The following CIT variants were observed in gnomAD, a reference collection of about 807,000 sequenced individuals.
CIT encodes the protein citron Rho-interacting kinase.
A neutral mutation model predicts 272.7 loss-of-function variants in CIT; 79 were observed. The observed-to-expected ratio is 0.29, with a 90% CI of 0.24 to 0.35. The LOEUF (loss-of-function observed/expected upper bound fraction) is 0.35, where lower values mean the gene tolerates loss of function less well. Among genes scored for constraint, CIT ranks in the 10% least tolerant of loss-of-function variants. The pLI is 1.00. For missense variants in CIT, 1,909 were observed against 2,618.3 expected (o/e 0.73, Z 5.91); for synonymous variants, 948 against 995.6 (o/e 0.95, Z 0.90).
chr12:119,834,855 C>G (rs1012124122), intron 5 of CIT, among the ~76,000 whole-genome samples: 1 of 152,290 alleles, frequency 6.6e-6, no homozygotes, highest in South Asian at 2.1e-4. Context: ...AATCATTCAG[C>G]TATCCATCAG....
intron 10 of CIT, among the ~76,000 whole-genome samples, chr12:119,797,434 G>C (rs2137826082): frequency 6.6e-6 from 1 of 152,272 alleles, no homozygotes; most frequent in East Asian, 1.9e-4. Flanking sequence ...ATGAGCAAGA[G>C]GAGAGGAGAA....
chr12:119,730,499 T>A lies in CIT; in HGVS notation c.3482A>T (p.Asp1161Val). ...GCAGAAGGGGTGGGCGCTGACCTTG[T>A]CAGAGAGGCTCTCGGCCTTCAGCTT... ...EQKLKAESLSDKLNDLEKKHA... is the reference protein window; with the variant it reads ...EQKLKAESLSVKLNDLEKKHA... Residue 1161 changes from aspartate (D) to valine (V), a missense_variant, in exon 27 of 48, where the codon GAC becomes GTC. Physicochemically the swap from Asp to Val is radical, Grantham distance 152. Transcript: ENST00000392521. The A allele has an allele frequency of 6.2e-7, 1 of 1,611,846 alleles. No homozygotes were observed. The highest frequency in any genetic ancestry group is 8.5e-7 in the Non-Finnish European group (1 of 1,178,090).
intron 7 of CIT, among the ~76,000 whole-genome samples, chr12:119,830,614 T>C (rs920435947): frequency 1.3e-5 from 2 of 151,944 alleles, no homozygotes; most frequent in African/African-American, 4.8e-5. Context: ...AAACCCCACT[T>C]CCCCCAACCC....
At chr12:119,834,308 T>G in intron 5 of CIT, 80 bp from the exon 6 acceptor site, 1 of 1,280,516 alleles carries the variant, frequency 7.8e-7, no homozygotes. Context: ...GAATATCACC[T>G]GACGTGTTAT....
chr12:119,735,331 T>C lies in CIT; in HGVS notation c.2985A>G (p.Leu995=). The part of the protein sequence containing the change: ...CTVITDLEEQ[L]NQLTEDNAEL... Reference sequence around the variant, plus strand: ...CAGCGTTGTCCTCGGTCAGCTGGTTTAGCTGCTCCTCCAGGTCTGTGATTA... The same window carrying C: ...CAGCGTTGTCCTCGGTCAGCTGGTTCAGCTGCTCCTCCAGGTCTGTGATTA... The change falls in exon 25 of 48, where the codon CTA becomes CTG. Residue 995 remains leucine, a synonymous_variant. Coordinates refer to ENST00000392521, the MANE Select transcript of CIT (RefSeq NM_001206999.2). 6.2e-7 allele frequency: 1 copy of C among 1,614,212 alleles called. No homozygotes were observed. Among genetic ancestry groups the C allele is most frequent in the Non-Finnish European group, 8.5e-7 (1 of 1,180,040 alleles).
intron 10 of CIT, among the ~76,000 whole-genome samples, chr12:119,797,377 C>G: frequency 6.6e-6 from 1 of 152,068 alleles, no homozygotes; most frequent in East Asian, 1.9e-4. Flanking sequence ...CAGAATAAGG[C>G]AAGTAGGAGA....
At chr12:119,747,239 G>A (rs955960431) in intron 23 of CIT, among the ~76,000 whole-genome samples, 2 of 151,932 alleles carry the variant, frequency 1.3e-5, no homozygotes, top group Non-Finnish European at 2.9e-5. Flanking sequence ...TGACCAACAC[G>A]GTGAAACCCC....
At chr12:119,772,723 C>G (rs1371575654) in intron 17 of CIT, 47 bp downstream of exon 17, 1 of 1,550,358 alleles carries the variant, frequency 6.5e-7, no homozygotes, top group Non-Finnish European at 8.7e-7. Flanking sequence ...TTGGGCACAG[C>G]CAAAGGCCGA....
chr12:119,774,616 C>A (rs901483719), intron 16 of CIT, among the ~76,000 whole-genome samples: 2 of 151,878 alleles, frequency 1.3e-5, no homozygotes, highest in African/African-American at 4.8e-5. Flanking sequence ...TAAGTACATG[C>A]AATTATTATT....
At chr12:119,719,766 C>T (rs1407844057) in intron 30 of CIT, among the ~76,000 whole-genome samples, 1 of 152,210 alleles carries the variant, frequency 6.6e-6, no homozygotes, top group Non-Finnish European at 1.5e-5. Flanking sequence ...AAGGAAACTG[C>T]AAGCTTCTTC....
At chr12:119,852,488 C>T (rs558336685) in intron 4 of CIT, among the ~76,000 whole-genome samples, 14 of 151,888 alleles carry the variant, frequency 9.2e-5, no homozygotes, top group South Asian at 6.2e-4. Context: ...CCAAGGCGGG[C>T]GGATCACTTG....
chr12:119,797,420 T>G (rs554205787), intron 10 of CIT, among the ~76,000 whole-genome samples: 2 of 151,934 alleles, frequency 1.3e-5, no homozygotes, highest in South Asian at 4.2e-4. Context: ...AAGGAAGAAA[T>G]TGAATGAGCA....
intron 13 of CIT, 108 bp from the exon 14 acceptor site, chr12:119,776,950 A>G: frequency 8.1e-7 from 1 of 1,231,680 alleles, no homozygotes; most frequent in Non-Finnish European, 1.2e-6. Flanking sequence ...CACAGTGAAG[A>G]GAGACTGGCA....
At position 119,822,120 on chromosome 12, in the gene CIT, G is replaced by A. The variant is rs10507289; in HGVS notation, c.1111+700C>T. On this transcript the variant is annotated intron_variant, in intron 9 of 47. Transcript: ENST00000392521. ...ACTGCTTTCCTACTGGCTCTAATCC[G>A]TGCTGATCATTCAGTAGAACACATT... Among the ~76,000 whole-genome samples the A allele has an allele frequency of 4.9e-3, 741 of 152,276 alleles. 5 individuals are homozygous for A. Among genetic ancestry groups the A allele is most frequent in the African/African-American group, 0.017 (696 of 41,556 alleles).
chr12:119,828,738 A>AT (rs942203159), intron 7 of CIT, among the ~76,000 whole-genome samples: 6 of 150,512 alleles, frequency 4.0e-5, no homozygotes, highest in African/African-American at 9.8e-5. Flanking sequence ...AACTTTTACA[A>AT]TTTTTTTTTA....
At chr12:119,843,407 G>A (rs1380590068) in intron 5 of CIT, among the ~76,000 whole-genome samples, 2 of 152,166 alleles carry the variant, frequency 1.3e-5, no homozygotes, top group African/African-American at 4.8e-5. Flanking sequence ...TCAGAGTAGA[G>A]AAGATGGATG....
chr12:119,803,597 T>A (rs1286595542), intron 9 of CIT: 1 of 421,800 alleles, frequency 2.4e-6, no homozygotes, highest in African/African-American at 2.1e-5. Context: ...GCAGACAGGC[T>A]GCCTTCCCGC....
Position 119,770,736 on chromosome 12 carries a change from A to G in CIT, c.2208+49T>C, listed in dbSNP as rs766057728. On this transcript the variant is annotated intron_variant, in intron 18 of 47. Coordinates refer to ENST00000392521, the MANE Select transcript of CIT (RefSeq NM_001206999.2). The surrounding 1 kb of genome is among the most constrained non-coding windows in gnomAD (Gnocchi z 4.4). ...CTTCTTCTTACCCCCTTCCCTTTGC[A>G]AACTCTAACCTGTTATCTTTTAACT... is the stretch of plus-strand genomic sequence containing the variant. 3 of 1,609,626 alleles carry G rather than the reference A, an allele frequency of 1.9e-6. No individual in the cohort carries two copies. The highest frequency in any genetic ancestry group is 1.7e-6 in the Non-Finnish European group (2 of 1,177,926).
chr12:119,721,872 T>C (rs975413706), intron 28 of CIT, among the ~76,000 whole-genome samples: 1 of 152,220 alleles, frequency 6.6e-6, no homozygotes, highest in Non-Finnish European at 1.5e-5. Flanking sequence ...ATTGTTGCTA[T>C]GAGAAATTAC....
Sources: gnomAD v4.1 joint callset for allele counts (sites outside exome capture counted in the v4.1 genomes callset) on GRCh38, gnomAD v4.1.1 for gene constraint, Gnocchi (gnomAD v3.1) non-coding constraint, MANE v1.5 for transcripts, NCBI Gene and HGNC (gene_info 2026-07-23, HGNC 2026-07-21) for gene names.